The following VRK2 variants were observed in gnomAD, a reference collection of about 807,000 sequenced individuals.
The protein encoded by VRK2 is serine/threonine-protein kinase VRK2.
Under a neutral mutation model 57.6 loss-of-function variants are expected in VRK2, and 60 were observed. The ratio of observed to expected loss-of-function variants is 1.04; its 90% CI spans 0.85 to 1.29. The LOEUF (loss-of-function observed/expected upper bound fraction) is 1.29, where lower values mean the gene tolerates loss of function less well. VRK2 is among the 50% of genes most tolerant of loss of function. The pLI is 0.00. For missense variants in VRK2, 705 were observed against 588.1 expected, an observed-to-expected ratio of 1.20 and a Z score of -2.06; for synonymous variants, 231 against 199.2, an observed-to-expected ratio of 1.16 and a Z score of -1.35.
chr2:58,072,823 G>T (rs925947331), intron 2 of VRK2, among the ~76,000 whole-genome samples: 2 of 151,836 alleles, frequency 1.3e-5, no homozygotes, highest in Non-Finnish European at 2.9e-5. Flanking sequence ...AGATTGTAGA[G>T]AATTGGTATT....
At position 58,146,446 on chromosome 2, in the gene VRK2, T is replaced by A; in HGVS notation, c.1154T>A (p.Ile385Asn). 6.2e-7 allele frequency: 1 copy of A among 1,610,952 alleles called. No homozygotes were observed. The highest frequency in any genetic ancestry group is 1.1e-5 in the South Asian group (1 of 90,886). ...AAAGTGCAGAAAGAGGAGAAACTGATTGGATTGATGAACAATGAAGCAGCT... is the reference window on the plus strand; with the variant it reads ...AAAGTGCAGAAAGAGGAGAAACTGAATGGATTGATGAACAATGAAGCAGCT... ...TWKVQKEEKL[I>N]GLMNNEAAQE... Residue 385 changes from isoleucine to asparagine, a missense_variant, in exon 12 of 13, where the codon ATT becomes AAT. Physicochemically the swap from Ile to Asn is moderately radical, Grantham distance 149. Transcript: ENST00000340157.
chr2:57,945,627 TTAACTTTC>T (rs2103965937), intron 1 of VRK2, among the ~76,000 whole-genome samples: 1 of 150,914 alleles, frequency 6.6e-6, no homozygotes, highest in South Asian at 2.1e-4. Flanking sequence ...AAATGGCTTT[TTAACTTTC>T]TGCTCAAAAT....
chr2:57,924,378 T>C (rs1056731955), intron 1 of VRK2, among the ~76,000 whole-genome samples: 2 of 152,078 alleles, frequency 1.3e-5, no homozygotes, highest in Non-Finnish European at 2.9e-5. Flanking sequence ...TCCATTTTTT[T>C]GTGTGTCTTC....
chr2:58,051,696 A>G (rs141892171), intron 2 of VRK2, among the ~76,000 whole-genome samples: 107 of 152,310 alleles, frequency 7.0e-4, no homozygotes, highest in African/African-American at 2.5e-3. Flanking sequence ...CTCATTGTAC[A>G]TGTACAACTG....
intron 2 of VRK2, among the ~76,000 whole-genome samples, chr2:58,075,462 A>C (rs920963121): frequency 6.6e-6 from 1 of 152,082 alleles, no homozygotes; most frequent in Non-Finnish European, 1.5e-5. Flanking sequence ...GAGTCTTTCA[A>C]CTGTTTTCCA....
intron 2 of VRK2, among the ~76,000 whole-genome samples, chr2:58,078,206 T>C (rs1343347835): frequency 1.3e-5 from 2 of 152,140 alleles, no homozygotes; most frequent in Non-Finnish European, 2.9e-5. Flanking sequence ...TTTCTATGAA[T>C]TTAACTACTC....
chr2:58,122,110 A>G (rs1020195163), intron 7 of VRK2, among the ~76,000 whole-genome samples: 1 of 152,262 alleles, frequency 6.6e-6, no homozygotes, highest in Non-Finnish European at 1.5e-5. Flanking sequence ...TGAAAGGTCA[A>G]AAGTTCTGCA....
intron 1 of VRK2, among the ~76,000 whole-genome samples, chr2:57,937,142 C>A (rs763744430): frequency 6.6e-6 from 1 of 152,110 alleles, no homozygotes; most frequent in Non-Finnish European, 1.5e-5. Context: ...GTACTGTAGA[C>A]CAATTCAGAA....
At chr2:58,037,511 T>C (rs1035734478) in intron 3 of VRK2, among the ~76,000 whole-genome samples, 1 of 152,028 alleles carries the variant, frequency 6.6e-6, no homozygotes, top group Non-Finnish European at 1.5e-5. Context: ...ATGTTTGCAA[T>C]GAAAAGCTTA....
intron 2 of VRK2, among the ~76,000 whole-genome samples, chr2:58,071,378 C>G (rs1669339694): frequency 1.3e-5 from 2 of 151,964 alleles, no homozygotes; most frequent in African/African-American, 4.8e-5. Context: ...ACTCATTACC[C>G]TTAGGTCACC....
chr2:58,070,760 C>T (rs928480348), intron 2 of VRK2, among the ~76,000 whole-genome samples: 4 of 152,036 alleles, frequency 2.6e-5, no homozygotes, highest in African/African-American at 9.7e-5. Flanking sequence ...GTGAGTAAAG[C>T]GGATATAAAT....
At chr2:57,975,997 A>G (rs996258856) in intron 1 of VRK2, among the ~76,000 whole-genome samples, 4 of 152,086 alleles carry the variant, frequency 2.6e-5, no homozygotes, top group Middle Eastern at 6.8e-3. Context: ...GCTCCCACTT[A>G]TAAGTGAGAG....
At chr2:58,096,138 G>T (rs1208783305) in intron 7 of VRK2, among the ~76,000 whole-genome samples, 1 of 151,894 alleles carries the variant, frequency 6.6e-6, no homozygotes, top group South Asian at 2.1e-4. Flanking sequence ...AATAAATCTT[G>T]ATGTGTTATG....
At chr2:57,936,531 G>GTTTT (rs539088139) in intron 1 of VRK2, among the ~76,000 whole-genome samples, 1 of 134,954 alleles carries the variant, frequency 7.4e-6, no homozygotes, top group African/African-American at 2.8e-5. Context: ...TTGTTTTTTT[G>GTTTT]TTTTTTTTTT....
At chr2:58,139,611 T>C in intron 10 of VRK2, 55 bp from the exon 11 acceptor site, 5 of 1,491,462 alleles carry the variant, frequency 3.4e-6, no homozygotes, top group Non-Finnish European at 4.6e-6. Context: ...ATTACTGGAG[T>C]CTTGACAATT....
intron 1 of VRK2, among the ~76,000 whole-genome samples, chr2:57,915,738 C>T (rs72945341): frequency 0.01 from 1,543 of 152,260 alleles, 39 homozygotes; most frequent in African/African-American, 0.035. Flanking sequence ...GTCCCCAACC[C>T]GCTGGGCTGC....
chr2:57,926,451 G>A (rs999621913), intron 1 of VRK2, among the ~76,000 whole-genome samples: 155 of 149,212 alleles, frequency 1.0e-3, no homozygotes, highest in African/African-American at 3.5e-3. Context: ...GTGTGTGTGT[G>A]TGTGTGTGTG....
At chr2:58,063,529 A>G (rs1224232505) in intron 2 of VRK2, among the ~76,000 whole-genome samples, 2 of 152,056 alleles carry the variant, frequency 1.3e-5, no homozygotes, top group Admixed American at 1.3e-4. Flanking sequence ...TTTACTGAAT[A>G]TTTTAAGCCT....
At chr2:57,944,059 A>C (rs560684172) in intron 1 of VRK2, among the ~76,000 whole-genome samples, 22 of 152,238 alleles carry the variant, frequency 1.4e-4, no homozygotes, top group African/African-American at 5.3e-4. Context: ...ATCTAAATGA[A>C]AAACAAACAA....
Sources: gnomAD v4.1 joint callset for allele counts (sites outside exome capture counted in the v4.1 genomes callset) on GRCh38, gnomAD v4.1.1 for gene constraint, MANE v1.5 for transcripts, NCBI Gene and HGNC (gene_info 2026-07-23, HGNC 2026-07-21) for gene names.